NRCAM: variants seen among roughly 807,000 people sequenced by gnomAD.
The protein encoded by NRCAM is NgCAM-related cell adhesion molecule.
In NRCAM, 83 loss-of-function variants were observed where a neutral mutation model predicts 156.5. That is an observed-to-expected ratio of 0.53 (90% CI 0.44 to 0.64). The LOEUF is 0.64. Ranked by LOEUF, NRCAM falls within the 30% of genes least tolerant of loss-of-function variation. NRCAM has a pLI of 0.00. For synonymous variants in NRCAM, 538 were observed against 563.9 expected, an observed-to-expected ratio of 0.95 and a Z score of 0.65; for missense variants, 1,417 against 1,597.3, an observed-to-expected ratio of 0.89 and a Z score of 1.92.
chr7:108,344,708 A>G (rs1391725469), intron 2 of NRCAM, among the ~76,000 whole-genome samples: 4 of 152,230 alleles, frequency 2.6e-5, no homozygotes, highest in Non-Finnish European at 4.4e-5. Context: ...TGACTATTAC[A>G]TGAAATGTAC....
intron 5 of NRCAM, 26 bp downstream of exon 5, chr7:108,237,726 C>G (rs1037046623): frequency 6.4e-7 from 1 of 1,561,368 alleles, no homozygotes. Flanking sequence ...TTCACACTGC[C>G]TAGTAATTTA....
intron 2 of NRCAM, among the ~76,000 whole-genome samples, chr7:108,336,079 G>A (rs60830378): frequency 0.25 from 37,780 of 152,036 alleles, 5,203 homozygotes; most frequent in Non-Finnish European, 0.3. Flanking sequence ...CATGACCCCT[G>A]CTTCATTCAA....
chr7:108,449,538 A>G (rs1195305268), intron 1 of NRCAM, among the ~76,000 whole-genome samples: 1 of 152,236 alleles, frequency 6.6e-6, no homozygotes, highest in Non-Finnish European at 1.5e-5. Context: ...TCCTTCCTCA[A>G]AGAACCAAAA....
intron 6 of NRCAM, among the ~76,000 whole-genome samples, chr7:108,232,751 T>C (rs1178217037): frequency 2.6e-5 from 4 of 152,160 alleles, no homozygotes; most frequent in Non-Finnish European, 5.9e-5. Flanking sequence ...AGCCCAAATT[T>C]GACTCAATAA....
intron 1 of NRCAM, among the ~76,000 whole-genome samples, chr7:108,411,170 T>C (rs1354108075): frequency 6.6e-6 from 1 of 152,230 alleles, no homozygotes; most frequent in African/African-American, 2.4e-5. Flanking sequence ...TTCTGTGAAA[T>C]GTTATTAATA....
At chr7:108,403,863 G>A (rs1293102240) in intron 1 of NRCAM, among the ~76,000 whole-genome samples, 5 of 152,180 alleles carry the variant, frequency 3.3e-5, no homozygotes, top group Admixed American at 3.3e-4. Context: ...GTATCCCCTT[G>A]CCAAAGTGAA....
intron 3 of NRCAM, among the ~76,000 whole-genome samples, chr7:108,250,237 G>A (rs2096248875): frequency 6.6e-6 from 1 of 151,916 alleles, no homozygotes; most frequent in African/African-American, 2.4e-5. Flanking sequence ...TGGATAACAA[G>A]GCAAAACTCC....
In NRCAM at chr7:108,224,166, A is replaced by G. The variant is rs981156268; in HGVS notation, c.779-330T>C. ...TCAATATGTTGACATGGAGAGGAAA[A>G]TCATGTTATCAAACTACATTTCCCT... On this transcript the variant is annotated intron_variant, in intron 10 of 32. Coordinates refer to ENST00000379028, the MANE Select transcript of NRCAM (RefSeq NM_001037132.4). 1.2e-4 allele frequency among the ~76,000 whole-genome samples: 19 copies of G among 152,148 alleles called. 1 individual carries two copies. Among genetic ancestry groups the G allele is most frequent in the African/African-American group, 3.9e-4 (16 of 41,452 alleles).
chr7:108,155,717 T>G (rs1215092559), intron 32 of NRCAM, among the ~76,000 whole-genome samples: 1 of 152,122 alleles, frequency 6.6e-6, no homozygotes, highest in African/African-American at 2.4e-5. Context: ...AGGCCTGGCA[T>G]ACAGTAGGCA....
intron 2 of NRCAM, among the ~76,000 whole-genome samples, chr7:108,356,061 G>C (rs59164222): frequency 0.1 from 15,080 of 151,390 alleles, 920 homozygotes; most frequent in African/African-American, 0.17. Context: ...CGATTCTTCT[G>C]CCTCACCCTG....
At chr7:108,454,654 T>C (rs1221791431) in intron 1 of NRCAM, among the ~76,000 whole-genome samples, 4 of 152,160 alleles carry the variant, frequency 2.6e-5, no homozygotes, top group Non-Finnish European at 4.4e-5. Flanking sequence ...GTTAGCACAA[T>C]GCAGTCCCAT....
chr7:108,188,391 GT>G (rs2068626051), intron 20 of NRCAM, among the ~76,000 whole-genome samples: 1 of 151,922 alleles, frequency 6.6e-6, no homozygotes, highest in South Asian at 2.1e-4. Flanking sequence ...GTGTGTGTGT[GT>G]GTGTGTGTAT....
At chr7:108,435,154 T>C (rs370605232) in intron 1 of NRCAM, among the ~76,000 whole-genome samples, 3 of 152,104 alleles carry the variant, frequency 2.0e-5, no homozygotes, top group African/African-American at 7.2e-5. Context: ...TGTTTAAAAA[T>C]TAAAGGAAAA....
chr7:108,177,948 TAAAA>T, intron 26 of NRCAM, 38 bp downstream of exon 26: 1 of 1,548,568 alleles, frequency 6.5e-7, no homozygotes, highest in Non-Finnish European at 8.7e-7. Flanking sequence ...ATAAATAAAA[TAAAA>T]AAACATATTT....
chr7:108,451,522 A>G (rs576778964), intron 1 of NRCAM, among the ~76,000 whole-genome samples: 2 of 152,330 alleles, frequency 1.3e-5, no homozygotes, highest in African/African-American at 2.4e-5. Flanking sequence ...TGGCAGCATC[A>G]TTTGCAATAG....
At chr7:108,252,641 T>C (rs1377544885) in intron 3 of NRCAM, among the ~76,000 whole-genome samples, 1 of 134,506 alleles carries the variant, frequency 7.4e-6, no homozygotes, top group Non-Finnish European at 1.6e-5. Context: ...GTTATAAGAA[T>C]AGGAGATAGA....
chr7:108,356,575 G>GT (rs1450554539), intron 2 of NRCAM, among the ~76,000 whole-genome samples: 12 of 151,926 alleles, frequency 7.9e-5, no homozygotes, highest in African/African-American at 1.9e-4. Context: ...TAAAAAAATT[G>GT]TTCTTTTTTT....
At chr7:108,452,563 G>C (rs1851695674) in intron 1 of NRCAM, among the ~76,000 whole-genome samples, 1 of 152,108 alleles carries the variant, frequency 6.6e-6, no homozygotes, top group Admixed American at 6.5e-5. Context: ...TCACCTGCCA[G>C]GAAGGTTCCT....
chr7:108,322,052 C>T (rs777496841), intron 2 of NRCAM, among the ~76,000 whole-genome samples: 1 of 152,056 alleles, frequency 6.6e-6, no homozygotes, highest in Non-Finnish European at 1.5e-5. Context: ...GGCTGTGCAT[C>T]TTTTTTTGTT....
Sources: allele counts gnomAD v4.1 joint callset (sites outside exome capture counted in the v4.1 genomes callset), GRCh38; gene constraint gnomAD v4.1.1; transcripts MANE v1.5; gene names NCBI Gene and HGNC (gene_info 2026-07-23, HGNC 2026-07-21).